Variants in OSBPL9 observed in about 807,000 individuals in gnomAD.
The protein encoded by OSBPL9 is oxysterol binding protein like 9, also known as oxysterol-binding protein-related protein 9.
Under a neutral mutation model 106.6 loss-of-function variants are expected in OSBPL9, and 40 were observed. The ratio of observed to expected loss-of-function variants is 0.38; its 90% CI spans 0.29 to 0.49. OSBPL9 has a LOEUF of 0.49. Among genes scored for constraint, OSBPL9 ranks in the 20% least tolerant of loss-of-function variants. The probability of loss-of-function intolerance (pLI) is 0.97; values close to 1 mark genes in which losing one functional copy is unlikely to be tolerated. For synonymous variants in OSBPL9, 269 were observed against 295.4 expected (o/e 0.91, Z 0.92); for missense variants, 609 against 887.2 (o/e 0.69, Z 3.98).
chr1:51,520,785 T>C, the OSBPL9 span, among the ~76,000 whole-genome samples: 1 of 152,218 alleles, frequency 6.6e-6, no homozygotes, highest in Non-Finnish European at 1.5e-5. Context: ...CCCAAGGAAC[T>C]CCTAATTCTA....
intron 1 of OSBPL9, among the ~76,000 whole-genome samples, chr1:51,646,856 A>G (rs1312860638): frequency 1.3e-5 from 2 of 152,028 alleles, no homozygotes; most frequent in African/African-American, 4.8e-5. Context: ...TCTATATGGA[A>G]GGTTATGTCT....
At chr1:51,707,088 C>A in intron 3 of OSBPL9, 1 of 262,576 alleles carries the variant, frequency 3.8e-6, no homozygotes, top group South Asian at 3.6e-5. Flanking sequence ...GAGGTCCTCT[C>A]TTGTCCTTTA....
At chr1:51,727,329 T>C (rs1663314374) in intron 4 of OSBPL9, among the ~76,000 whole-genome samples, 2 of 152,294 alleles carry the variant, frequency 1.3e-5, no homozygotes, top group South Asian at 4.1e-4. Flanking sequence ...TTGTTTATAG[T>C]TTATTGTTAT....
intron 4 of OSBPL9, among the ~76,000 whole-genome samples, chr1:51,740,469 TTTG>T (rs766852315): frequency 1.3e-5 from 2 of 152,132 alleles, no homozygotes; most frequent in African/African-American, 2.4e-5. Flanking sequence ...GTGTTTTTTC[TTTG>T]TTAAGTTTTT....
intron 1 of OSBPL9, among the ~76,000 whole-genome samples, chr1:51,597,357 C>T (rs1399820986): frequency 6.6e-6 from 1 of 151,234 alleles, no homozygotes; most frequent in African/African-American, 2.4e-5. Flanking sequence ...GTCAAGTACA[C>T]AGTTAAAATA....
intron 21 of OSBPL9, 177 bp downstream of exon 21, chr1:51,786,063 C>T: frequency 3.4e-6 from 2 of 590,934 alleles, no homozygotes; most frequent in Non-Finnish European, 3.0e-6. Context: ...CTTTTTCTTT[C>T]CTTCCCCCAC....
intron 22 of OSBPL9, 37 bp downstream of exon 22, chr1:51,786,654 T>G: frequency 1.3e-6 from 2 of 1,545,822 alleles, no homozygotes; most frequent in Non-Finnish European, 1.8e-6. Context: ...ATTGCTGCAG[T>G]GCTTAAACTT....
upstream of OSBPL9, among the ~76,000 whole-genome samples, chr1:51,615,369 T>C (rs963037375): frequency 1.3e-5 from 2 of 152,248 alleles, no homozygotes; most frequent in Non-Finnish European, 2.9e-5. Context: ...CTCTTCTTTC[T>C]TGTTACTTTG....
the OSBPL9 span, among the ~76,000 whole-genome samples, chr1:51,544,837 C>CTTTTTTTTTTTTT: frequency 2.5e-5 from 2 of 80,258 alleles, no homozygotes; most frequent in African/African-American, 5.2e-5. Flanking sequence ...AAGAGACATG[C>CTTTTTTTTTTTTT]TTTTTTTTTT....
chr1:51,775,383 G>T, intron 14 of OSBPL9, among the ~76,000 whole-genome samples: 1 of 150,160 alleles, frequency 6.7e-6, no homozygotes. Flanking sequence ...TTTTATCACA[G>T]CCTTACTCTT....
At chr1:51,769,103 T>G (rs1673276599) in intron 12 of OSBPL9, among the ~76,000 whole-genome samples, 1 of 152,240 alleles carries the variant, frequency 6.6e-6, no homozygotes, top group Non-Finnish European at 1.5e-5. Context: ...CATATATATC[T>G]TATGTCTTGG....
chr1:51,671,435 G>C (rs1483315262), intron 3 of OSBPL9, among the ~76,000 whole-genome samples: 2 of 152,052 alleles, frequency 1.3e-5, no homozygotes, highest in Non-Finnish European at 2.9e-5. Context: ...AATATCAGTT[G>C]ATGCATTATA....
the OSBPL9 span, among the ~76,000 whole-genome samples, chr1:51,546,061 G>T: frequency 6.6e-6 from 1 of 152,074 alleles, no homozygotes; most frequent in Non-Finnish European, 1.5e-5. Flanking sequence ...TTGTCACCCA[G>T]ACTGGAGTGC....
chr1:51,587,281 T>G (rs1340864619), intron 1 of OSBPL9, among the ~76,000 whole-genome samples: 1 of 152,070 alleles, frequency 6.6e-6, no homozygotes, highest in African/African-American at 2.4e-5. Context: ...GGGAGAATTG[T>G]TTGAACACAG....
At chr1:51,772,850 A>G (rs1674237431) in intron 14 of OSBPL9, 127 bp downstream of exon 14, 4 of 722,276 alleles carry the variant, frequency 5.5e-6, no homozygotes, top group South Asian at 4.9e-5. Flanking sequence ...CTTGTGATTT[A>G]ATATAGATGT....
the OSBPL9 span, among the ~76,000 whole-genome samples, chr1:51,528,037 T>A: frequency 9.9e-5 from 15 of 151,190 alleles, no homozygotes; most frequent in African/African-American, 3.6e-4. Flanking sequence ...GGCACGAGAA[T>A]CTCTTGAACC....
chr1:51,568,700 G>A, the OSBPL9 span, among the ~76,000 whole-genome samples: 1 of 152,078 alleles, frequency 6.6e-6, no homozygotes, highest in East Asian at 1.9e-4. Context: ...CTGAGTACCT[G>A]GAATTACAGG....
At chr1:51,633,919 C>T (rs1187607965) in intron 1 of OSBPL9, among the ~76,000 whole-genome samples, 1 of 152,228 alleles carries the variant, frequency 6.6e-6, no homozygotes, top group Non-Finnish European at 1.5e-5. Flanking sequence ...GCCGCCTTAC[C>T]TGGCTTGGAA....
At position 51,691,273 on chromosome 1, in the gene OSBPL9, C is replaced by T. The variant is rs1410275966; in HGVS notation, c.241+21761C>T. 6.3e-3 allele frequency among the ~76,000 whole-genome samples: 685 copies of T among 108,948 alleles called. 6 individuals carry two copies. The highest frequency in any genetic ancestry group is 7.2e-3 in the Non-Finnish European group (397 of 55,404). The allele number at this position is 108,948 out of a possible 152,430, so 71.5% of individuals were successfully genotyped here. Reference sequence around the variant, plus strand: ...ATAAACTAACCTTAGCTTGCTGTAACTTTTTTTTTTTTTTTTTTTTTTTTG... The same window carrying T: ...ATAAACTAACCTTAGCTTGCTGTAATTTTTTTTTTTTTTTTTTTTTTTTTG... On this transcript the variant is annotated intron_variant, in intron 3 of 23. Transcript: ENST00000428468.
Sources: gnomAD v4.1 joint callset for allele counts (sites outside exome capture counted in the v4.1 genomes callset) on GRCh38, gnomAD v4.1.1 for gene constraint, MANE v1.5 for transcripts, NCBI Gene and HGNC (gene_info 2026-07-23, HGNC 2026-07-21) for gene names.